GLI3: variants seen among roughly 807,000 people sequenced by gnomAD.
GLI3 encodes the protein transcription activator GLI3.
In GLI3, 20 loss-of-function variants were observed where a neutral mutation model predicts 100.8. The ratio of observed to expected loss-of-function variants is 0.20; its 90% CI spans 0.14 to 0.29. GLI3 has a LOEUF of 0.29. Ranked by LOEUF, GLI3 falls within the 10% of genes least tolerant of loss-of-function variation. The pLI is 1.00. For missense variants in GLI3, 2,040 were observed against 2,128.5 expected (o/e 0.96, Z 0.82); for synonymous variants, 938 against 860.5 (o/e 1.09, Z -1.58).
At chr7:42,136,476 T>G (rs73325684) in intron 3 of GLI3, among the ~76,000 whole-genome samples, 4,065 of 152,242 alleles carry the variant, frequency 0.027, 133 homozygotes, top group African/African-American at 0.081. Flanking sequence ...GCTTGGCACA[T>G]GGGAAATATC....
At chr7:42,184,292 T>C (rs1286860917) in intron 2 of GLI3, among the ~76,000 whole-genome samples, 2 of 152,236 alleles carry the variant, frequency 1.3e-5, no homozygotes, top group Non-Finnish European at 1.5e-5. Context: ...GCCCCAGGGC[T>C]CTGCGCTGCC....
chr7:42,029,793 C>T (rs1164894370), intron 7 of GLI3, among the ~76,000 whole-genome samples: 1 of 152,180 alleles, frequency 6.6e-6, no homozygotes, highest in Non-Finnish European at 1.5e-5. Flanking sequence ...CGAGGCCCCT[C>T]TGCACCTCCT....
At chr7:42,196,172 A>C (rs1583639100) in intron 2 of GLI3, among the ~76,000 whole-genome samples, 4 of 152,206 alleles carry the variant, frequency 2.6e-5, no homozygotes, top group Admixed American at 2.6e-4. Context: ...ATGATTAAAG[A>C]CATTTTCATG....
intron 2 of GLI3, among the ~76,000 whole-genome samples, chr7:42,174,719 T>TGTTCATC (rs1787444391): frequency 6.6e-6 from 1 of 152,176 alleles, no homozygotes; most frequent in Admixed American, 6.5e-5. Flanking sequence ...TGATGAACTG[T>TGTTCATC]GTTCATCAAC....
chr7:42,246,757 G>C (rs1788978880), intron 1 of GLI3, among the ~76,000 whole-genome samples: 2 of 145,076 alleles, frequency 1.4e-5, no homozygotes, highest in Non-Finnish European at 3.0e-5. Flanking sequence ...TTCGGCGGTT[G>C]GTAAATGTTT....
chr7:42,019,566 C>A (rs1788876979), intron 10 of GLI3, among the ~76,000 whole-genome samples: 1 of 151,942 alleles, frequency 6.6e-6, no homozygotes, highest in Non-Finnish European at 1.5e-5. Flanking sequence ...GAAAGCAAAA[C>A]CAAACGACAC....
chr7:42,208,374 A>G (rs1788197381), intron 2 of GLI3, among the ~76,000 whole-genome samples: 1 of 152,098 alleles, frequency 6.6e-6, no homozygotes, highest in Admixed American at 6.5e-5. Context: ...TTTCTATATA[A>G]TAAACCATCT....
At chr7:41,994,290 A>G (rs1377977110) in intron 10 of GLI3, among the ~76,000 whole-genome samples, 1 of 152,194 alleles carries the variant, frequency 6.6e-6, no homozygotes, top group African/African-American at 2.4e-5. Context: ...TCCCAATGCA[A>G]TGCTGTCAAC....
rs1033877660 is a variant in GLI3, at chr7:42,132,340, T to C, written c.367+15886A>G. The stretch of plus-strand genomic sequence containing the variant: ...TGGTCTCGATCTCCTGACCTCCTGA[T>C]CCGCCCGCCTTGACCTCCCAAAGTG... On this transcript the variant is annotated intron_variant, in intron 3 of 14. Transcript: ENST00000395925. Among the ~76,000 whole-genome samples, 38 of 152,160 alleles carry C rather than the reference T, an allele frequency of 2.5e-4. 1 individual carries two copies. In the South Asian group the frequency reaches 7.5e-3, roughly 30 times the overall value.
chr7:42,140,397 T>C (rs1020311806), intron 3 of GLI3, among the ~76,000 whole-genome samples: 1 of 152,196 alleles, frequency 6.6e-6, no homozygotes. Flanking sequence ...AGGAATCAAA[T>C]GGAATCTTGC....
intron 1 of GLI3, among the ~76,000 whole-genome samples, chr7:42,231,073 T>C (rs993282475): frequency 6.6e-6 from 1 of 152,250 alleles, no homozygotes; most frequent in African/African-American, 2.4e-5. Context: ...ATTATTCTTA[T>C]AGAACTTGTG....
At chr7:42,105,353 A>G (rs762314109) in intron 3 of GLI3, among the ~76,000 whole-genome samples, 36 of 152,320 alleles carry the variant, frequency 2.4e-4, no homozygotes, top group Non-Finnish European at 4.3e-4. Flanking sequence ...TTTATCACCC[A>G]AAGTATGTTT....
intron 10 of GLI3, among the ~76,000 whole-genome samples, chr7:42,018,598 T>C (rs1788838650): frequency 1.3e-5 from 2 of 152,214 alleles, no homozygotes; most frequent in Admixed American, 6.5e-5. Context: ...TTTCTTTATA[T>C]CTAAATCTCT....
At chr7:42,121,309 G>A (rs1229714646) in intron 3 of GLI3, among the ~76,000 whole-genome samples, 4 of 152,202 alleles carry the variant, frequency 2.6e-5, no homozygotes, top group African/African-American at 7.2e-5. Context: ...GACAGAGAAG[G>A]TGCACAAGAA....
intron 1 of GLI3, among the ~76,000 whole-genome samples, chr7:42,252,462 G>T (rs1390620413): frequency 1.3e-5 from 2 of 151,988 alleles, no homozygotes; most frequent in Admixed American, 1.3e-4. Flanking sequence ...TAACAAACCT[G>T]CACATGTACC....
chr7:41,976,374 T>A (rs765308213), intron 12 of GLI3, among the ~76,000 whole-genome samples: 5 of 152,246 alleles, frequency 3.3e-5, no homozygotes, highest in Admixed American at 6.5e-5. Flanking sequence ...TGTGAGTTTA[T>A]GAGTGAGTGT....
At chr7:41,983,386 G>GA (rs973615574) in intron 10 of GLI3, among the ~76,000 whole-genome samples, 9 of 150,046 alleles carry the variant, frequency 6.0e-5, no homozygotes, top group East Asian at 3.9e-4. Context: ...CTAGGACTAA[G>GA]AAAAAAAAAC....
intron 3 of GLI3, among the ~76,000 whole-genome samples, chr7:42,138,307 T>A (rs1214315291): frequency 6.6e-6 from 1 of 152,212 alleles, no homozygotes; most frequent in East Asian, 1.9e-4. Flanking sequence ...ATCTCCCACA[T>A]CATCGATCTG....
At chr7:42,236,672 G>A (rs1021981399) in intron 1 of GLI3, among the ~76,000 whole-genome samples, 3 of 152,202 alleles carry the variant, frequency 2.0e-5, no homozygotes, top group Non-Finnish European at 4.4e-5. Flanking sequence ...CGGAGGCGAG[G>A]GGCGCCGCCA....
Sources: allele counts gnomAD v4.1 joint callset (sites outside exome capture counted in the v4.1 genomes callset), GRCh38; gene constraint gnomAD v4.1.1; transcripts MANE v1.5; gene names NCBI Gene and HGNC (gene_info 2026-07-23, HGNC 2026-07-21).